Variants in EFNB3 observed in about 807,000 individuals in gnomAD.
EFNB3 encodes the protein ephrin B3.
In EFNB3, 14 loss-of-function variants were observed where a neutral mutation model predicts 29.8. The ratio of observed to expected loss-of-function variants is 0.47; its 90% CI spans 0.31 to 0.73. The LOEUF (loss-of-function observed/expected upper bound fraction) is 0.73. Ranked by LOEUF, EFNB3 falls within the 30% of genes least tolerant of loss-of-function variation. EFNB3 has a pLI of 0.05. For missense variants in EFNB3, 408 were observed against 458.0 expected (o/e 0.89, Z 1.00); for synonymous variants, 216 against 191.6 (o/e 1.13, Z -1.05).
chr17:7,708,703 G>A lies in EFNB3; in HGVS notation c.577G>A (p.Ala193Thr), dbSNP rs758840364. 2.5e-6 allele frequency: 4 copies of A among 1,576,004 alleles called. No homozygotes were observed. The highest frequency in any genetic ancestry group is 3.4e-6 in the Non-Finnish European group (4 of 1,160,064). The change falls in exon 4 of 5, where the codon GCC (alanine) becomes ACC (threonine). Residue 193 changes from alanine to threonine, a missense_variant. Ala to Thr is a moderately conservative substitution (Grantham distance 58). Coordinates refer to ENST00000226091, the MANE Select transcript of EFNB3 (RefSeq NM_001406.4). This position sits in a 1 kb window ranked among gnomAD's most constrained non-coding sequence, Gnocchi z 6.8. The part of the protein sequence containing the change: ...EMPMERDRGA[A>T]HSLEPGKENL... The stretch of plus-strand genomic sequence containing the variant: ...GCCCATGGAAAGAGACCGAGGGGCA[G>A]CCCACAGCCTGGAGCCTGGGAAGGA...
Position 7,705,431 on chromosome 17 carries a change from C to A in EFNB3, c.-168C>A, listed in dbSNP as rs1482702318. On this transcript the variant is annotated 5_prime_UTR_variant, in exon 1 of 5. Coordinates refer to ENST00000226091, the MANE Select transcript of EFNB3 (RefSeq NM_001406.4). The surrounding 1 kb of genome is among the most constrained non-coding windows in gnomAD (Gnocchi z 5.4). Reference sequence around the variant, plus strand: ...GGAAGGGCTCTGGTGGGGCTGAGCGCTCTGCCGCGGGGGCGCGGGCACAGC... The same window carrying A: ...GGAAGGGCTCTGGTGGGGCTGAGCGATCTGCCGCGGGGGCGCGGGCACAGC... 6 of 493,050 alleles carry A rather than the reference C, an allele frequency of 1.2e-5. No individual in the cohort carries two copies. Among genetic ancestry groups the A allele is most frequent in the Non-Finnish European group, 2.1e-5 (6 of 284,286 alleles). 30.5% of individuals were successfully genotyped at this position (493,050 alleles called of 1,614,324 possible).
At position 7,705,768 on chromosome 17, in the gene EFNB3, A is replaced by G. The variant is rs200406215; in HGVS notation, c.122+48A>G. ...GATCCCAGACCCTAGGGCAGTGGGT[A>G]GGGAAGCTCTGGGGGCTTGGAGGCG... On this transcript the variant is annotated intron_variant, in intron 1 of 4. Transcript: ENST00000226091. The surrounding 1 kb of genome is among the most constrained non-coding windows in gnomAD (Gnocchi z 5.4). 2,267 of 1,515,388 alleles carry G rather than the reference A, an allele frequency of 1.5e-3. 5 individuals are homozygous for G. Among genetic ancestry groups the G allele is most frequent in the Non-Finnish European group, 1.8e-3 (2,098 of 1,147,204 alleles). The allele number at this position is 1,515,388 out of a possible 1,614,324, so 93.9% of individuals were successfully genotyped here.
rs2074346895 is a variant in EFNB3, at chr17:7,710,713, G to C, written c.*1137G>C. 6.6e-6 allele frequency: 1 copy of C among 152,668 alleles called. No individual in the cohort carries two copies. Among genetic ancestry groups the C allele is most frequent in the Non-Finnish European group, 1.5e-5 (1 of 68,072 alleles). The allele number at this position is 152,668 out of a possible 1,614,324, so 9.5% of individuals were successfully genotyped here. ...CGAGAAGGACTTTTCCCAGTCTTCA[G>C]TGGCACTTCCCAAGATCTCCCTTCC... On this transcript the variant is annotated 3_prime_UTR_variant, in exon 5 of 5. Transcript: ENST00000226091.
chr17:7,708,655 C>T lies in EFNB3; in HGVS notation c.529C>T (p.Pro177Ser). 1.3e-6 allele frequency: 2 copies of T among 1,579,500 alleles called. No homozygotes were observed. The highest frequency in any genetic ancestry group is 1.8e-5 in the Admixed American group (1 of 55,246). ...VGQSPRGGAVPRKPVSEMPME... is the reference protein window; with the variant it reads ...VGQSPRGGAVSRKPVSEMPME... ...TCCAGGTCCCCGAGGAGGGGCTGTC[C>T]CCCGAAAACCTGTGTCTGAAATGCC... The change falls in exon 4 of 5, where the codon CCC becomes TCC. Residue 177 changes from proline to serine, a missense_variant. Transcript: ENST00000226091. The surrounding 1 kb of genome is among the most constrained non-coding windows in gnomAD (Gnocchi z 6.8).
At chr17:7,707,915 C>A (rs1476997205) in intron 1 of EFNB3, 43 bp from the exon 2 acceptor site, 10 of 1,555,092 alleles carry the variant, frequency 6.4e-6, no homozygotes, top group Non-Finnish European at 8.7e-6. Context: ...GGGGCCAGGC[C>A]TCTGACATCT....
chr17:7,709,735 C>A lies in EFNB3; in HGVS notation c.*159C>A, dbSNP rs1358230255. ...TGTCCTCGTCTCCACTTTTAGGATT[C>A]CTTAGGATTCCCACTGCCCCACTTC... is the stretch of plus-strand genomic sequence containing the variant. On this transcript the variant is annotated 3_prime_UTR_variant, in exon 5 of 5. Transcript: ENST00000226091. The surrounding 1 kb of genome is among the most constrained non-coding windows in gnomAD (Gnocchi z 4.5). The A allele has an allele frequency of 1.3e-6, 1 of 773,088 alleles. No individual in the cohort carries two copies. The allele number at this position is 773,088 out of a possible 1,614,324, so 47.9% of individuals were successfully genotyped here. A position where few individuals can be genotyped will look rare whatever the true frequency, so the allele number is the denominator to read the frequency against.
At chr17:7,707,292 C>G (rs1243480959) in intron 1 of EFNB3, among the ~76,000 whole-genome samples, 1 of 152,164 alleles carries the variant, frequency 6.6e-6, no homozygotes, top group African/African-American at 2.4e-5. Flanking sequence ...AGCAATAGAG[C>G]ACTTGCCCCA....
intron 1 of EFNB3, 69 bp from the exon 2 acceptor site, chr17:7,707,889 G>A: frequency 3.3e-6 from 5 of 1,516,332 alleles, no homozygotes; most frequent in Non-Finnish European, 4.4e-6. Flanking sequence ...TGTGGGGTGA[G>A]GGAAGGAAAG....
At chr17:7,707,931 T>G (rs2074332880) in intron 1 of EFNB3, 27 bp from the exon 2 acceptor site, 3 of 1,577,628 alleles carry the variant, frequency 1.9e-6, no homozygotes, top group Middle Eastern at 1.7e-4. Context: ...CATCTCTTCC[T>G]TGTCCACCTT....
chr17:7,705,635 G>T lies in EFNB3; in HGVS notation c.37G>T (p.Val13Phe), dbSNP rs756748450. 4.0e-6 allele frequency: 6 copies of T among 1,516,478 alleles called. No individual in the cohort carries two copies. The South Asian group carries it at 7.7e-5, about 20-fold the overall frequency. The allele number at this position is 1,516,478 out of a possible 1,614,324, so 93.9% of individuals were successfully genotyped here. A position where few individuals can be genotyped will look rare whatever the true frequency, so the allele number is the denominator to read the frequency against. ...PPHSGPGGVR[V>F]GALLLLGVLG... ...CCATTCTGGGCCGGGGGGCGTGCGA[G>T]TCGGGGCCCTGCTGCTGCTGGGGGT... The change falls in exon 1 of 5, where the codon GTC becomes TTC. Residue 13 changes from valine (V) to phenylalanine (F), a missense_variant. Around this residue, in one of 3 missense-constraint regions of EFNB3, gnomAD observed 128 missense variants for 140.8 expected, o/e 0.91. Transcript: ENST00000226091. The surrounding 1 kb of genome is among the most constrained non-coding windows in gnomAD (Gnocchi z 5.4).
chr17:7,708,812 C>T lies in EFNB3; in HGVS notation c.613+73C>T. The T allele has an allele frequency of 7.5e-7, 1 of 1,325,536 alleles. No individual in the cohort carries two copies. Among genetic ancestry groups the T allele is most frequent in the Non-Finnish European group, 1.0e-6 (1 of 980,562 alleles). 82.1% of individuals were successfully genotyped at this position (1,325,536 alleles called of 1,614,324 possible). A position where few individuals can be genotyped will look rare whatever the true frequency, so the allele number is the denominator to read the frequency against. ...TCAGACCCCAGCTGCCCTGCCGTCA[C>T]CCTCCCTCCCTCTTCAGTTTTGGGG... is the stretch of plus-strand genomic sequence containing the variant. On this transcript the variant is annotated intron_variant, in intron 4 of 4. Coordinates refer to ENST00000226091, the MANE Select transcript of EFNB3 (RefSeq NM_001406.4). This position sits in a 1 kb window ranked among gnomAD's most constrained non-coding sequence, Gnocchi z 6.8.
chr17:7,708,024 C>G lies in EFNB3; in HGVS notation c.189C>G (p.Pro63=). The G allele has an allele frequency of 6.2e-7, 1 of 1,614,070 alleles. No individual in the cohort carries two copies. The highest frequency in any genetic ancestry group is 8.5e-7 in the Non-Finnish European group (1 of 1,180,010). Residue 63 remains proline (P), a synonymous_variant, in exon 2 of 5, where the codon CCC becomes CCG. Transcript: ENST00000226091. The surrounding 1 kb of genome is among the most constrained non-coding windows in gnomAD (Gnocchi z 6.8). ...GGGACCGGCTAGACCTGCTCTGCCC[C>G]CGGGCCCGGCCTCCTGGCCCTCACT... ...QIGDRLDLLC[P]RARPPGPHSS... is the part of the protein sequence containing the mutation.
chr17:7,705,333 T>G lies in EFNB3; in HGVS notation c.-266T>G. 3.7e-6 allele frequency: 1 copy of G among 270,938 alleles called. No homozygotes were observed. 16.8% of individuals were successfully genotyped at this position (270,938 alleles called of 1,614,324 possible). ...GTCCCCGGCTCCCCCAGTCCCCCAC[T>G]TAGGCGGGCTCACAGATCCCGGGGT... is the stretch of plus-strand genomic sequence containing the variant. On this transcript the variant is annotated 5_prime_UTR_variant, in exon 1 of 5. Transcript: ENST00000226091. The surrounding 1 kb of genome is among the most constrained non-coding windows in gnomAD (Gnocchi z 5.4).
Position 7,709,114 on chromosome 17 carries a change from G to C in EFNB3, c.614-53G>C, listed in dbSNP as rs571119031. The stretch of plus-strand genomic sequence containing the variant: ...CCAGGGTTGGGTGTCCAGGTGCCCA[G>C]GTGGCTCCTTCAGTCCCTCCCCCTC... On this transcript the variant is annotated intron_variant, in intron 4 of 4. Coordinates refer to ENST00000226091, the MANE Select transcript of EFNB3 (RefSeq NM_001406.4). The surrounding 1 kb of genome is among the most constrained non-coding windows in gnomAD (Gnocchi z 4.5). The C allele has an allele frequency of 1.9e-6, 3 of 1,558,480 alleles. No individual in the cohort carries two copies. The East Asian group carries it at 6.8e-5, about 35-fold the overall frequency.
chr17:7,710,012 T>G lies in EFNB3; in HGVS notation c.*436T>G. 2 of 256,752 alleles carry G rather than the reference T, an allele frequency of 7.8e-6. No homozygotes were observed. Among genetic ancestry groups the G allele is most frequent in the African/African-American group, 2.4e-5 (1 of 42,492 alleles). 15.9% of individuals were successfully genotyped at this position (256,752 alleles called of 1,614,324 possible). A position where few individuals can be genotyped will look rare whatever the true frequency, so the allele number is the denominator to read the frequency against. ...TCTTCCGTCTCTAGGTCTGTTCTTC[T>G]TCCCTAGCATCCTCCTCCCCACATC... On this transcript the variant is annotated 3_prime_UTR_variant, in exon 5 of 5. Coordinates refer to ENST00000226091, the MANE Select transcript of EFNB3 (RefSeq NM_001406.4).
Position 7,709,425 on chromosome 17 carries a change from G to A in EFNB3, c.872G>A (p.Gly291Glu). Reference sequence around the variant, plus strand: ...ATGGGACCTCGGGAGGCTGAGCCTGGGGAGCTAGGGATAGCTCTGCGGGGT... The same window carrying A: ...ATGGGACCTCGGGAGGCTGAGCCTGAGGAGCTAGGGATAGCTCTGCGGGGT... Reference protein sequence around the residue: ...GGMGPREAEPGELGIALRGGG... With the variant: ...GGMGPREAEPEELGIALRGGG... The change falls in exon 5 of 5, where the codon GGG (glycine) becomes GAG (glutamate). Residue 291 changes from glycine (G) to glutamate (E), a missense_variant. By Grantham distance (98) the Gly-to-Glu change is moderately conservative. Around this residue, in one of 3 missense-constraint regions of EFNB3, gnomAD observed 233 missense variants for 230.7 expected, o/e 1.01. Coordinates refer to ENST00000226091, the MANE Select transcript of EFNB3 (RefSeq NM_001406.4). The surrounding 1 kb of genome is among the most constrained non-coding windows in gnomAD (Gnocchi z 4.5). 1 of 1,611,170 alleles carries A rather than the reference G, an allele frequency of 6.2e-7. No homozygotes were observed. The highest frequency in any genetic ancestry group is 8.5e-7 in the Non-Finnish European group (1 of 1,178,284).
Position 7,708,336 on chromosome 17 carries a change from A to G in EFNB3, c.415+86A>G. The G allele has an allele frequency of 1.3e-6, 2 of 1,581,736 alleles. No homozygotes were observed. The highest frequency in any genetic ancestry group is 1.7e-6 in the Non-Finnish European group (2 of 1,162,100). On this transcript the variant is annotated intron_variant, in intron 2 of 4. Coordinates refer to ENST00000226091, the MANE Select transcript of EFNB3 (RefSeq NM_001406.4). This position sits in a 1 kb window ranked among gnomAD's most constrained non-coding sequence, Gnocchi z 6.8. Reference sequence around the variant, plus strand: ...GGGGACCCCTGCAGCCAAGAGGGAGATCCCAGTGCCCTCAGGCAGTGTTCA... The same window carrying G: ...GGGGACCCCTGCAGCCAAGAGGGAGGTCCCAGTGCCCTCAGGCAGTGTTCA...
Position 7,708,646 on chromosome 17 carries a change from G to A in EFNB3, c.520G>A (p.Gly174Arg). ...LLRVGQSPRG[G>R]AVPRKPVSEM... ...TTCCTCATCTCCAGGTCCCCGAGGA[G>A]GGGCTGTCCCCCGAAAACCTGTGTC... The change falls in exon 4 of 5, where the codon GGG becomes AGG. Residue 174 changes from glycine to arginine, a missense_variant. Gly to Arg is a moderately radical substitution (Grantham distance 125, BLOSUM62 -2). Transcript: ENST00000226091. This position sits in a 1 kb window ranked among gnomAD's most constrained non-coding sequence, Gnocchi z 6.8. 6.3e-7 allele frequency: 1 copy of A among 1,580,006 alleles called. No homozygotes were observed. Among genetic ancestry groups the A allele is most frequent in the East Asian group, 2.3e-5 (1 of 43,076 alleles).
Position 7,708,469 on chromosome 17 carries a change from C to A in EFNB3, c.450C>A (p.Ser150Arg). 6.2e-7 allele frequency: 1 copy of A among 1,613,868 alleles called. No homozygotes were observed. Among genetic ancestry groups the A allele is most frequent in the Non-Finnish European group, 8.5e-7 (1 of 1,179,922 alleles). ...ATGGGACCCGGGAGGGCCTGGAGAGCCTGCAGGGAGGTGTGTGCCTAACCA... is the reference window on the plus strand; with the variant it reads ...ATGGGACCCGGGAGGGCCTGGAGAGACTGCAGGGAGGTGTGTGCCTAACCA... ...TSDGTREGLESLQGGVCLTRG... is the reference protein window; with the variant it reads ...TSDGTREGLERLQGGVCLTRG... Residue 150 changes from serine (S) to arginine (R), a missense_variant, in exon 3 of 5, where the codon AGC becomes AGA. By Grantham distance (110) the Ser-to-Arg change is moderately radical. Coordinates refer to ENST00000226091, the MANE Select transcript of EFNB3 (RefSeq NM_001406.4). The surrounding 1 kb of genome is among the most constrained non-coding windows in gnomAD (Gnocchi z 6.8).
Sources: allele counts gnomAD v4.1 joint callset (sites outside exome capture counted in the v4.1 genomes callset), GRCh38; gene constraint gnomAD v4.1.1; regional missense constraint gnomAD v4.1.1; non-coding constraint Gnocchi (gnomAD v3.1); transcripts MANE v1.5; gene names NCBI Gene and HGNC (gene_info 2026-07-23, HGNC 2026-07-21).